ZNF133: variants seen among roughly 807,000 people sequenced by gnomAD.
The protein encoded by ZNF133 is zinc finger protein 133 (clone pHZ-13).
In ZNF133, 26 loss-of-function variants were observed where a neutral mutation model predicts 54.9. The ratio of observed to expected loss-of-function variants is 0.47; its 90% confidence interval spans 0.35 to 0.66. The LOEUF is 0.66. Among genes scored for constraint, ZNF133 ranks in the 30% least tolerant of loss-of-function variants. ZNF133 has a pLI of 0.01. For missense variants in ZNF133, 653 were observed against 820.8 expected, an observed-to-expected ratio of 0.80 and a Z score of 2.50; for synonymous variants, 298 against 320.3, an observed-to-expected ratio of 0.93 and a Z score of 0.74.
chr20:18,295,387 TC>T (rs2042025420), intron 1 of ZNF133: 1 of 152,420 alleles, frequency 6.6e-6, no homozygotes. Context: ...GCCAGCCAGA[TC>T]AGCTGGATCA....
chr20:18,308,867 G>A (rs1320922287), intron 6 of ZNF133, among the ~76,000 whole-genome samples: 1 of 152,230 alleles, frequency 6.6e-6, no homozygotes, highest in Admixed American at 6.5e-5. Flanking sequence ...AAAGAAGGAA[G>A]GTCAGGGCAA....
intron 6 of ZNF133, among the ~76,000 whole-genome samples, chr20:18,311,705 TATA>T: frequency 6.6e-6 from 1 of 152,328 alleles, no homozygotes; most frequent in East Asian, 1.9e-4. Flanking sequence ...TATTTATTCT[TATA>T]ATGATTTCCT....
At chr20:18,312,745 T>A (rs1033177555) in intron 6 of ZNF133, 1 of 152,244 alleles carries the variant, frequency 6.6e-6, no homozygotes, top group Non-Finnish European at 1.5e-5. Context: ...GACAGAATCT[T>A]GCTCTGTTGC....
chr20:18,315,606 G>A lies in ZNF133; in HGVS notation c.755G>A (p.Ser252Asn), dbSNP rs148144112. Reference protein sequence around the residue: ...YVCGVCEKGFSLKKSLARHQK... With the variant: ...YVCGVCEKGFNLKKSLARHQK... ...TGTGGGGTATGTGAGAAGGGCTTCA[G>A]CCTAAAGAAGAGCCTCGCCAGACAC... The change falls in exon 7 of 7, where the codon AGC becomes AAC. Residue 252 changes from serine (S) to asparagine (N), a missense_variant. Coordinates refer to ENST00000425686, the MANE Select transcript of ZNF133 (RefSeq NM_001352452.2). 2.7e-4 allele frequency: 439 copies of A among 1,614,102 alleles called. 1 individual carries two copies. Among genetic ancestry groups the A allele is most frequent in the Non-Finnish European group, 3.3e-4 (395 of 1,179,984 alleles).
chr20:18,308,153 T>C lies in ZNF133; in HGVS notation c.217+1760T>C, dbSNP rs115660327. On this transcript the variant is annotated intron_variant, in intron 6 of 6. Coordinates refer to ENST00000425686, the MANE Select transcript of ZNF133 (RefSeq NM_001352452.2). ...GAATTTTTCATCCTACTTTGCATTA[T>C]TTTTAAATGACAGACACATAGATAA... is the stretch of plus-strand genomic sequence containing the variant. Among the ~76,000 whole-genome samples the C allele has an allele frequency of 4.9e-3, 748 of 152,328 alleles. 12 individuals carry two copies. The highest frequency in any genetic ancestry group is 0.017 in the African/African-American group (715 of 41,586).
At position 18,311,736 on chromosome 20, in the gene ZNF133, T is replaced by C. The variant is rs1053041518; in HGVS notation, c.218-3333T>C. Among the ~76,000 whole-genome samples, 6 of 152,178 alleles carry C rather than the reference T, an allele frequency of 3.9e-5. No individual in the cohort carries two copies. In the South Asian group the frequency reaches 8.3e-4, roughly 21 times the overall value. On this transcript the variant is annotated intron_variant, in intron 6 of 6. Transcript: ENST00000425686. ...GATTTCCTAACAGAGATCTTAGAAA[T>C]TGAAAAACAACTTAATCAGTCTTAA...
In ZNF133 at chr20:18,316,384, A is replaced by G. The variant is rs1199138633; in HGVS notation, c.1533A>G (p.Ala511=). The G allele has an allele frequency of 1.2e-6, 2 of 1,612,102 alleles. No individual in the cohort carries two copies. Among genetic ancestry groups the G allele is most frequent in the African/African-American group, 2.7e-5 (2 of 74,320 alleles). ...TCAGCCAGAAGTCAAACCTTGTTGCACACCAGAGGACGCACTCAGGGGAGA... is the reference window on the plus strand; with the variant it reads ...TCAGCCAGAAGTCAAACCTTGTTGCGCACCAGAGGACGCACTCAGGGGAGA... ...RGFSQKSNLV[A]HQRTHSGERP... The change falls in exon 7 of 7, where the codon GCA becomes GCG. Residue 511 remains alanine (A), a synonymous_variant. Transcript: ENST00000425686.
In ZNF133 at chr20:18,315,073, T is replaced by A. The variant is rs2047149808; in HGVS notation, c.222T>A (p.Asp74Glu). Residue 74 changes from aspartate to glutamate, a missense_variant, in exon 7 of 7, where the codon GAT becomes GAA. By Grantham distance (45) the Asp-to-Glu change is conservative. Coordinates refer to ENST00000425686, the MANE Select transcript of ZNF133 (RefSeq NM_001352452.2). Reference sequence around the variant, plus strand: ...CTCACACTTTTCTCTCTGCAGCAGATCCAGAGCCAGAGCTCTACCTCGATC... The same window carrying A: ...CTCACACTTTTCTCTCTGCAGCAGAACCAGAGCCAGAGCTCTACCTCGATC... ...KKCSPATCPA[D>E]PEPELYLDPF... 1 of 1,526,204 alleles carries A rather than the reference T, an allele frequency of 6.6e-7. No individual in the cohort carries two copies. The highest frequency in any genetic ancestry group is 8.8e-7 in the Non-Finnish European group (1 of 1,138,322). The allele number at this position is 1,526,204 out of a possible 1,614,324, so 94.5% of individuals were successfully genotyped here. A position where few individuals can be genotyped will look rare whatever the true frequency, so the allele number is the denominator to read the frequency against.
chr20:18,302,524 A>G (rs1298632713), intron 3 of ZNF133, among the ~76,000 whole-genome samples: 1 of 152,222 alleles, frequency 6.6e-6, no homozygotes, highest in African/African-American at 2.4e-5. Flanking sequence ...CTTTTATAGA[A>G]AATAACTAGA....
chr20:18,310,126 C>A, intron 6 of ZNF133: 2 of 1,302,124 alleles, frequency 1.5e-6, no homozygotes, highest in East Asian at 2.9e-5. Context: ...AAAGCGAAAC[C>A]TATCTTTTTT....
chr20:18,306,439 C>T (rs1462093085), intron 6 of ZNF133, 46 bp downstream of exon 6: 3 of 1,580,396 alleles, frequency 1.9e-6, no homozygotes, highest in Non-Finnish European at 2.6e-6. Context: ...CTCAGCAGCT[C>T]AGAGGACTGG....
In ZNF133 at chr20:18,295,481, TTCTC is replaced by T. The variant is rs2042049061; in HGVS notation, c.-431-2500_-431-2497del. ...CACTTCTTAGTTGAATATTTATGCT[TTCTC>T]TCTTTCAGTTAGCTAGTGTTTGTCT... is the stretch of plus-strand genomic sequence containing the variant. On this transcript the variant is annotated intron_variant, in intron 1 of 6. Transcript: ENST00000425686. The T allele has an allele frequency of 2.0e-5, 3 of 152,356 alleles. No homozygotes were observed. In the South Asian group the frequency reaches 6.2e-4, roughly 32 times the overall value. The allele number at this position is 152,356 out of a possible 1,614,324, so 9.4% of individuals were successfully genotyped here. A position where few individuals can be genotyped will look rare whatever the true frequency, so the allele number is the denominator to read the frequency against.
rs1341340391 is a variant in ZNF133 at position 18,316,562 on chromosome 20, G to T, written c.1711G>T (p.Ala571Ser). Residue 571 changes from alanine to serine, a missense_variant, in exon 7 of 7, where the codon GCT becomes TCT. Ala to Ser is a moderately conservative substitution (Grantham distance 99). Around this residue, in one of 4 missense-constraint regions of ZNF133, gnomAD observed 129 missense variants for 138.5 expected, o/e 0.93. Coordinates refer to ENST00000425686, the MANE Select transcript of ZNF133 (RefSeq NM_001352452.2). ...NKSALITHKR[A>S]HSEEKPCVCR... ...GTCAGCTCTAATTACACACAAGCGG[G>T]CTCACTCGGAAGAGAAGCCTTGTGT... The T allele has an allele frequency of 3.1e-6, 5 of 1,613,942 alleles. No homozygotes were observed. The highest frequency in any genetic ancestry group is 1.7e-5 in the Admixed American group (1 of 60,004).
intron 6 of ZNF133, chr20:18,306,954 A>T (rs982876314): frequency 1.1e-5 from 2 of 174,174 alleles, no homozygotes; most frequent in East Asian, 1.9e-4. Flanking sequence ...CCATGCTCTA[A>T]GGGAGTACAA....
chr20:18,299,361 G>A (rs776029558), intron 3 of ZNF133, among the ~76,000 whole-genome samples: 8 of 152,302 alleles, frequency 5.3e-5, no homozygotes, highest in Middle Eastern at 3.4e-3. Context: ...GGAAGAATCA[G>A]CAAACCAGGA....
At chr20:18,302,128 C>T (rs1246104092) in intron 3 of ZNF133, among the ~76,000 whole-genome samples, 5 of 152,084 alleles carry the variant, frequency 3.3e-5, no homozygotes, top group Non-Finnish European at 5.9e-5. Flanking sequence ...TGGCCGGGCA[C>T]GGTGGCTCAT....
intron 1 of ZNF133, among the ~76,000 whole-genome samples, chr20:18,294,761 A>G (rs1303607376): frequency 6.6e-6 from 1 of 152,216 alleles, no homozygotes; most frequent in Non-Finnish European, 1.5e-5. Context: ...ATTGTGGTGT[A>G]TTATAATAAA....
chr20:18,312,642 T>TGCAGC (rs2046340459), intron 6 of ZNF133: 1 of 152,246 alleles, frequency 6.6e-6, no homozygotes, highest in Admixed American at 6.5e-5. Flanking sequence ...AGCCAGAGCT[T>TGCAGC]CAGCTGCAGC....
chr20:18,315,232 G>T lies in ZNF133; in HGVS notation c.381G>T (p.Gln127His), dbSNP rs1250335051. ...IQPGDPGPGD[Q>H]EKQQQASEGR... is the part of the protein sequence containing the mutation. The stretch of plus-strand genomic sequence containing the variant: ...CTGGGGATCCGGGCCCAGGGGACCA[G>T]GAGAAGCAGCAACAAGCCTCTGAGG... Residue 127 changes from glutamine to histidine, a missense_variant, in exon 7 of 7, where the codon CAG becomes CAT. Gln to His is a conservative substitution (Grantham distance 24). Transcript: ENST00000425686. The T allele has an allele frequency of 6.2e-7, 1 of 1,614,054 alleles. No homozygotes were observed. The highest frequency in any genetic ancestry group is 1.1e-5 in the South Asian group (1 of 91,076).
Sources: allele counts gnomAD v4.1 joint callset (sites outside exome capture counted in the v4.1 genomes callset), GRCh38; gene constraint gnomAD v4.1.1; regional missense constraint gnomAD v4.1.1; transcripts MANE v1.5; gene names NCBI Gene and HGNC (gene_info 2026-07-23, HGNC 2026-07-21).